The following MGAT4C variants were observed in gnomAD, a reference collection of about 807,000 sequenced individuals.
MGAT4C encodes alpha-1,3-mannosyl-glycoprotein 4-beta-N-acetylglucosaminyltransferase C.
MGAT4C carries 19 observed loss-of-function variants against 40.1 expected under a neutral mutation model. The ratio of observed to expected loss-of-function variants is 0.47; its 90% CI spans 0.33 to 0.70. The LOEUF (loss-of-function observed/expected upper bound fraction) is 0.70. Among genes scored for constraint, MGAT4C ranks in the 30% least tolerant of loss-of-function variants. The pLI, the probability that MGAT4C is intolerant of heterozygous loss-of-function variation, is 0.02. For missense variants in MGAT4C, 491 were observed against 563.2 expected (o/e 0.87, Z 1.30); for synonymous variants, 181 against 187.1 (o/e 0.97, Z 0.27).
intron 2 of MGAT4C, among the ~76,000 whole-genome samples, chr12:86,440,962 T>C (rs1017042677): frequency 8.6e-5 from 13 of 152,032 alleles, no homozygotes; most frequent in African/African-American, 3.1e-4. Context: ...GAATAAATCA[T>C]AGGCAACACA....
intron 1 of MGAT4C, among the ~76,000 whole-genome samples, chr12:86,133,520 G>T (rs988238726): frequency 6.6e-6 from 1 of 152,102 alleles, no homozygotes; most frequent in Non-Finnish European, 1.5e-5. Context: ...CTTTTATGAA[G>T]ATTCCTTAAA....
intron 2 of MGAT4C, among the ~76,000 whole-genome samples, chr12:86,044,429 C>A (rs1892189522): frequency 6.6e-6 from 1 of 152,136 alleles, no homozygotes. Context: ...TTTGCGGCTG[C>A]CAGCTTCTGT....
intron 2 of MGAT4C, among the ~76,000 whole-genome samples, chr12:86,569,599 T>C (rs980771541): frequency 2.6e-5 from 4 of 152,036 alleles, no homozygotes; most frequent in Admixed American, 2.6e-4. Context: ...TGAGTGTTAA[T>C]TATCACAGCC....
Position 85,961,633 on chromosome 12 carries a change from C to T in MGAT4C, c.*17656G>A, listed in dbSNP as rs544736194. ...ATAAACTTCACCCTAAGGAAATTTC[C>T]ATGTCAGATACAATAAGAGCAACGG... On this transcript the variant is annotated 3_prime_UTR_variant, in exon 5 of 5. Coordinates refer to ENST00000611864, the MANE Select transcript of MGAT4C (RefSeq NM_001351288.2). 1.3e-5 allele frequency: 2 copies of T among 151,776 alleles called. No homozygotes were observed. The highest frequency in any genetic ancestry group is 4.8e-5 in the African/African-American group (2 of 41,504). 9.4% of individuals were successfully genotyped at this position (151,776 alleles called of 1,614,324 possible).
rs1882835092 is a variant in MGAT4C, at chr12:85,957,136, T to C, written c.*22153A>G. 1 of 152,182 alleles carries C rather than the reference T, an allele frequency of 6.6e-6. No individual in the cohort carries two copies. Among genetic ancestry groups the C allele is most frequent in the Non-Finnish European group, 1.5e-5 (1 of 68,032 alleles). 9.4% of individuals were successfully genotyped at this position (152,182 alleles called of 1,614,324 possible). On this transcript the variant is annotated 3_prime_UTR_variant, in exon 5 of 5. Coordinates refer to ENST00000611864, the MANE Select transcript of MGAT4C (RefSeq NM_001351288.2). ...CCTCATAGCAGCTCCTCTTAAAGAC[T>C]GTTAGTCAGAACTCAGTTGTTTATA...
chr12:86,736,981 T>C lies in MGAT4C; in HGVS notation c.-261-9740A>G, dbSNP rs144036141. On this transcript the variant is annotated intron_variant, in intron 1 of 7. Transcript: ENST00000548651. ...TCAAATTTTCCCATCAACTGGATCA[T>C]ATCCATCAACATCAAGCTAACTTGC... Among the ~76,000 whole-genome samples, 15 of 149,800 alleles carry C rather than the reference T, an allele frequency of 1.0e-4. No homozygotes were observed. In the East Asian group the frequency reaches 2.8e-3, roughly 28 times the overall value.
At chr12:86,388,058 CT>C (rs1464872431) in intron 3 of MGAT4C, among the ~76,000 whole-genome samples, 2 of 152,078 alleles carry the variant, frequency 1.3e-5, no homozygotes, top group African/African-American at 4.8e-5. Context: ...ATGTCTTTCT[CT>C]TTTAATAATA....
At chr12:86,372,106 A>C (rs1217054752) in intron 3 of MGAT4C, among the ~76,000 whole-genome samples, 1 of 151,932 alleles carries the variant, frequency 6.6e-6, no homozygotes, top group Non-Finnish European at 1.5e-5. Flanking sequence ...AGGCTTTTAA[A>C]AGTGTCAGTT....
intron 2 of MGAT4C, among the ~76,000 whole-genome samples, chr12:86,681,065 C>T (rs932359431): frequency 6.6e-6 from 1 of 151,866 alleles, no homozygotes; most frequent in African/African-American, 2.4e-5. Flanking sequence ...GAGAAAGGAT[C>T]TATTACTCGT....
chr12:86,624,743 A>C (rs1962747159), intron 2 of MGAT4C, among the ~76,000 whole-genome samples: 2 of 152,106 alleles, frequency 1.3e-5, no homozygotes, highest in Non-Finnish European at 2.9e-5. Context: ...CAGCAACAAC[A>C]ATCATAAGAA....
At position 85,959,775 on chromosome 12, in the gene MGAT4C, T is replaced by G. The variant is rs1184273317; in HGVS notation, c.*19514A>C. ...ATTCATTGTTTTCTTCTGGGTTAAC[T>G]CTTTTTTATGTTAACTGAATCAATT... On this transcript the variant is annotated 3_prime_UTR_variant, in exon 5 of 5. Coordinates refer to ENST00000611864, the MANE Select transcript of MGAT4C (RefSeq NM_001351288.2). The G allele has an allele frequency of 6.6e-6, 1 of 151,782 alleles. No individual in the cohort carries two copies. Among genetic ancestry groups the G allele is most frequent in the African/African-American group, 2.4e-5 (1 of 41,392 alleles). The allele number at this position is 151,782 out of a possible 1,614,324, so 9.4% of individuals were successfully genotyped here.
chr12:86,235,514 G>T (rs1192285949), intron 1 of MGAT4C, among the ~76,000 whole-genome samples: 2 of 151,868 alleles, frequency 1.3e-5, no homozygotes, highest in African/African-American at 4.8e-5. Context: ...CCACCCCCTT[G>T]TTTCAGCCTC....
intron 2 of MGAT4C, among the ~76,000 whole-genome samples, chr12:86,726,596 C>G (rs76551839): frequency 6.6e-6 from 1 of 152,100 alleles, no homozygotes; most frequent in Non-Finnish European, 1.5e-5. Context: ...GGTTAGAGTA[C>G]AACTGTAGTG....
In MGAT4C at chr12:85,966,742, C is replaced by G. The variant is rs1883386688; in HGVS notation, c.*12547G>C. 1 of 152,054 alleles carries G rather than the reference C, an allele frequency of 6.6e-6. No individual in the cohort carries two copies. The highest frequency in any genetic ancestry group is 2.4e-5 in the African/African-American group (1 of 41,390). The allele number at this position is 152,054 out of a possible 1,614,324, so 9.4% of individuals were successfully genotyped here. ...CCATAAAAAATGATGAGTTCATGTC[C>G]TTTGTAGGGACATGGATGAAGCTGG... is the stretch of plus-strand genomic sequence containing the variant. On this transcript the variant is annotated 3_prime_UTR_variant, in exon 5 of 5. Transcript: ENST00000611864.
intron 3 of MGAT4C, among the ~76,000 whole-genome samples, chr12:86,377,978 G>C (rs1270551509): frequency 1.3e-5 from 2 of 152,014 alleles, no homozygotes; most frequent in African/African-American, 4.8e-5. Context: ...CTTTGTGACT[G>C]GTTTATTTCA....
intron 2 of MGAT4C, among the ~76,000 whole-genome samples, chr12:86,526,816 C>T (rs1029989522): frequency 6.6e-6 from 1 of 152,328 alleles, no homozygotes; most frequent in South Asian, 2.1e-4. Flanking sequence ...GCCCCTACAA[C>T]TTCTCTAAGC....
At chr12:86,751,526 C>T (rs1951231376) in intron 1 of MGAT4C, among the ~76,000 whole-genome samples, 1 of 151,978 alleles carries the variant, frequency 6.6e-6, no homozygotes, top group Non-Finnish European at 1.5e-5. Flanking sequence ...CTGCACTCAG[C>T]TAAGTAATGG....
At chr12:86,318,533 A>T (rs1456936726) in intron 4 of MGAT4C, among the ~76,000 whole-genome samples, 1 of 152,172 alleles carries the variant, frequency 6.6e-6, no homozygotes, top group Non-Finnish European at 1.5e-5. Flanking sequence ...CACATAAATA[A>T]AGTATACGGC....
At chr12:86,696,981 A>G (rs1950271575) in intron 2 of MGAT4C, among the ~76,000 whole-genome samples, 1 of 152,158 alleles carries the variant, frequency 6.6e-6, no homozygotes, top group African/African-American at 2.4e-5. Context: ...CTGATTCATT[A>G]TCTAACTTCC....
Sources: allele counts gnomAD v4.1 joint callset (sites outside exome capture counted in the v4.1 genomes callset), GRCh38; gene constraint gnomAD v4.1.1; transcripts MANE v1.5; gene names NCBI Gene and HGNC (gene_info 2026-07-23, HGNC 2026-07-21).